AFDN: variants seen among roughly 807,000 people sequenced by gnomAD.
AFDN encodes the protein afadin.
AFDN carries 68 observed loss-of-function variants against 216.6 expected under a neutral mutation model. The observed-to-expected ratio is 0.31, with a 90% CI of 0.26 to 0.38. The LOEUF is 0.38. Ranked by LOEUF, AFDN falls within the 10% of genes least tolerant of loss-of-function variation. AFDN has a pLI of 1.00. For synonymous variants in AFDN, 868 were observed against 853.7 expected (o/e 1.02, Z -0.29); for missense variants, 2,136 against 2,342.0 (o/e 0.91, Z 1.82).
chr6:167,826,607 G>C (rs1388634325), upstream of AFDN: 2 of 520,684 alleles, frequency 3.8e-6, no homozygotes, highest in African/African-American at 3.9e-5. Context: ...CCACCCATCG[G>C]ACCCAGCACT....
chr6:167,848,311 A>G (rs546018241), intron 1 of AFDN, among the ~76,000 whole-genome samples: 4 of 152,276 alleles, frequency 2.6e-5, no homozygotes, highest in African/African-American at 9.6e-5. Context: ...CATTTCTTTT[A>G]GTTAAATAGT....
chr6:167,919,570 G>A (rs1196546536), intron 21 of AFDN, among the ~76,000 whole-genome samples: 1 of 152,238 alleles, frequency 6.6e-6, no homozygotes, highest in Non-Finnish European at 1.5e-5. Context: ...GCTGGCTTGC[G>A]CCTGTGTGCT....
intron 19 of AFDN, among the ~76,000 whole-genome samples, 175 bp downstream of exon 19, chr6:167,915,608 A>G (rs1288532801): frequency 6.6e-6 from 1 of 152,262 alleles, no homozygotes; most frequent in African/African-American, 2.4e-5. Flanking sequence ...TACAAAGTAC[A>G]GATTATTTTT....
intron 30 of AFDN, among the ~76,000 whole-genome samples, chr6:167,953,806 G>T (rs1040357736): frequency 2.0e-5 from 3 of 152,160 alleles, no homozygotes; most frequent in Non-Finnish European, 4.4e-5. Context: ...AGATGGATTC[G>T]TTAGGATCCT....
At chr6:167,913,894 C>A (rs902905962) in intron 16 of AFDN, 4 of 477,846 alleles carry the variant, frequency 8.4e-6, no homozygotes, top group South Asian at 3.0e-5. Flanking sequence ...TATTTGATAT[C>A]TCCATTTCTC....
At chr6:167,867,313 T>C (rs1489690387) in intron 2 of AFDN, among the ~76,000 whole-genome samples, 1 of 152,222 alleles carries the variant, frequency 6.6e-6, no homozygotes, top group Non-Finnish European at 1.5e-5. Flanking sequence ...ATTTTTACTG[T>C]GGTTTTAACT....
rs1794991109 is a variant in AFDN at position 167,944,022 on chromosome 6, C to T, written c.3321C>T (p.Ala1107=). 10 of 1,613,962 alleles carry T rather than the reference C, an allele frequency of 6.2e-6. No homozygotes were observed. The East Asian group carries it at 1.3e-4, about 22-fold the overall frequency. Residue 1107 remains alanine (A), a synonymous_variant, in exon 26 of 34, where the codon GCC becomes GCT. Transcript: ENST00000683244. ...AKQGAIYHGL[A]TLLNQPSPMM... is the part of the protein sequence containing the mutation. ...AGGGTGCCATCTACCACGGTCTGGCCACCCTTCTCAATCAGCCATCCCCCA... is the reference window on the plus strand; with the variant it reads ...AGGGTGCCATCTACCACGGTCTGGCTACCCTTCTCAATCAGCCATCCCCCA...
chr6:167,952,496 G>A (rs1796106243), intron 30 of AFDN: 1 of 985,428 alleles, frequency 1.0e-6, no homozygotes, highest in Non-Finnish European at 1.2e-6. Context: ...ACAAGTATTT[G>A]TTAATGACCA....
intron 28 of AFDN, 83 bp downstream of exon 28, chr6:167,948,027 AT>A: frequency 9.5e-7 from 1 of 1,050,138 alleles, no homozygotes; most frequent in Non-Finnish European, 1.4e-6. Flanking sequence ...ATCTAGTACA[AT>A]TTTTACTCTG....
chr6:167,948,888 G>A (rs1274442084), intron 29 of AFDN, among the ~76,000 whole-genome samples: 1 of 152,242 alleles, frequency 6.6e-6, no homozygotes, highest in Non-Finnish European at 1.5e-5. Flanking sequence ...GCCCCAGCAG[G>A]GGATGGAGCT....
In AFDN at chr6:167,918,889, T is replaced by G; in HGVS notation, c.2864T>G (p.Ile955Ser). 6.2e-7 allele frequency: 1 copy of G among 1,614,070 alleles called. No individual in the cohort carries two copies. The highest frequency in any genetic ancestry group is 8.5e-7 in the Non-Finnish European group (1 of 1,179,986). ...TATTCTTGTGATGTTGTCAGAAACATTCCAAATGGTTTACAAGAATTTTTA... is the reference window on the plus strand; with the variant it reads ...TATTCTTGTGATGTTGTCAGAAACAGTCCAAATGGTTTACAAGAATTTTTA... Reference protein sequence around the residue: ...DGYSCDVVRNIPNGLQEFLDP... With the variant: ...DGYSCDVVRNSPNGLQEFLDP... The change falls in exon 21 of 34, where the codon ATT becomes AGT. Residue 955 changes from isoleucine (I) to serine (S), a missense_variant. By Grantham distance (142) the Ile-to-Ser change is moderately radical. Coordinates refer to ENST00000683244, the MANE Select transcript of AFDN (RefSeq NM_001386888.1).
intron 30 of AFDN, among the ~76,000 whole-genome samples, chr6:167,958,690 C>T (rs778926294): frequency 9.2e-5 from 14 of 152,332 alleles, no homozygotes; most frequent in South Asian, 2.1e-4. Flanking sequence ...CCTCCTCTTC[C>T]GCTTTCTTGT....
chr6:167,904,530 T>G (rs1341840054), intron 12 of AFDN, among the ~76,000 whole-genome samples: 1 of 152,074 alleles, frequency 6.6e-6, no homozygotes. Context: ...TCTCTAAAGG[T>G]TTACTTGACA....
intron 1 of AFDN, among the ~76,000 whole-genome samples, chr6:167,835,389 T>G (rs1780311178): frequency 6.6e-6 from 1 of 152,240 alleles, no homozygotes; most frequent in Admixed American, 6.5e-5. Flanking sequence ...AAAAATGGTG[T>G]TCCATGAAAG....
In AFDN at chr6:167,875,453, A is replaced by G; in HGVS notation, c.697A>G (p.Arg233Gly). The G allele has an allele frequency of 6.2e-7, 1 of 1,614,016 alleles. No homozygotes were observed. Among genetic ancestry groups the G allele is most frequent in the Non-Finnish European group, 8.5e-7 (1 of 1,179,940 alleles). The change falls in exon 5 of 34, where the codon AGA becomes GGA. Residue 233 changes from arginine (R) to glycine (G), a missense_variant. By Grantham distance (125) the Arg-to-Gly change is moderately radical. Transcript: ENST00000683244. Reference protein sequence around the residue: ...KRRRQQKLEKRMQEFRSSDGR... With the variant: ...KRRRQQKLEKGMQEFRSSDGR... ...ACGGAGGCAGCAAAAATTGGAAAAG[A>G]GAATGCAGGAATTTCGGAGCTCAGA...
chr6:167,831,247 G>A (rs998396548), intron 1 of AFDN, among the ~76,000 whole-genome samples: 1 of 152,078 alleles, frequency 6.6e-6, no homozygotes, highest in African/African-American at 2.4e-5. Context: ...GTCAATAGTT[G>A]TATTTTTAAA....
intron 4 of AFDN, among the ~76,000 whole-genome samples, chr6:167,874,038 A>G (rs1370295725): frequency 6.6e-6 from 1 of 152,182 alleles, no homozygotes; most frequent in Non-Finnish European, 1.5e-5. Context: ...TATGCAAGAG[A>G]AAAAAATGTA....
At chr6:167,860,227 G>A (rs1783403933) in intron 1 of AFDN, among the ~76,000 whole-genome samples, 2 of 129,738 alleles carry the variant, frequency 1.5e-5, no homozygotes, top group Non-Finnish European at 1.5e-5. Flanking sequence ...TAGGTTGGCT[G>A]CAACATATTA....
intron 1 of AFDN, among the ~76,000 whole-genome samples, chr6:167,833,545 A>G (rs996199847): frequency 2.6e-5 from 4 of 152,210 alleles, no homozygotes; most frequent in Admixed American, 6.5e-5. Flanking sequence ...TGGTTCTTCC[A>G]AGAATTTGCT....
Sources: allele counts gnomAD v4.1 joint callset (sites outside exome capture counted in the v4.1 genomes callset), GRCh38; gene constraint gnomAD v4.1.1; transcripts MANE v1.5; gene names NCBI Gene and HGNC (gene_info 2026-07-23, HGNC 2026-07-21).